Variants in CTIF observed in about 807,000 individuals in gnomAD.
The protein encoded by CTIF is CBP80/20-dependent translation initiation factor.
A neutral mutation model predicts 66.0 loss-of-function variants in CTIF; 21 were observed. The ratio of observed to expected loss-of-function variants is 0.32; its 90% CI spans 0.23 to 0.46. The LOEUF (loss-of-function observed/expected upper bound fraction) is 0.46. Among genes scored for constraint, CTIF ranks in the 20% least tolerant of loss-of-function variants. The pLI is 1.00. For synonymous variants in CTIF, 345 were observed against 326.4 expected (o/e 1.06, Z -0.62); for missense variants, 739 against 812.7 (o/e 0.91, Z 1.10).
At chr18:48,652,710 A>G (rs917044189) in intron 3 of CTIF, among the ~76,000 whole-genome samples, 1 of 152,248 alleles carries the variant, frequency 6.6e-6, no homozygotes, top group East Asian at 1.9e-4. Flanking sequence ...CCTGATGAAC[A>G]TCGATGTGAA....
In CTIF at chr18:48,761,779, C is replaced by T. The variant is rs1909026879; in HGVS notation, c.1371+90C>T. 1.5e-6 allele frequency: 2 copies of T among 1,294,526 alleles called. No individual in the cohort carries two copies. 80.2% of individuals were successfully genotyped at this position (1,294,526 alleles called of 1,614,324 possible). A position where few individuals can be genotyped will look rare whatever the true frequency, so the allele number is the denominator to read the frequency against. On this transcript the variant is annotated intron_variant, in intron 9 of 11. Coordinates refer to ENST00000256413, the MANE Select transcript of CTIF (RefSeq NM_014772.3). This position sits in a 1 kb window ranked among gnomAD's most constrained non-coding sequence, Gnocchi z 4.2. ...TAGCGAGAAGGCTGCGAGTTCTGGC[C>T]ACAGTTGGACTTTTCCCAAGTTCCG...
chr18:48,851,409 C>T (rs763661054), intron 10 of CTIF, among the ~76,000 whole-genome samples: 5 of 152,182 alleles, frequency 3.3e-5, no homozygotes, highest in Middle Eastern at 3.2e-3. Flanking sequence ...CAGGGCAAAG[C>T]GCTCACTGTC....
chr18:48,621,912 C>T (rs1045395174), intron 2 of CTIF, among the ~76,000 whole-genome samples: 1 of 152,190 alleles, frequency 6.6e-6, no homozygotes, highest in African/African-American at 2.4e-5. Flanking sequence ...CCTGGCCTAT[C>T]CCCAGCCCCC....
At chr18:48,840,631 C>T (rs912368883) in intron 10 of CTIF, among the ~76,000 whole-genome samples, 1 of 152,216 alleles carries the variant, frequency 6.6e-6, no homozygotes, top group African/African-American at 2.4e-5. Flanking sequence ...TCAGCCCAGG[C>T]CTGTCTGCTC....
chr18:48,769,362 C>T (rs866299368), intron 9 of CTIF, among the ~76,000 whole-genome samples: 4 of 152,244 alleles, frequency 2.6e-5, no homozygotes, highest in South Asian at 2.1e-4. Context: ...CAGTGCAAGC[C>T]GCTTTCCCCG....
intron 3 of CTIF, 69 bp downstream of exon 3, chr18:48,636,754 C>T (rs757649107): frequency 3.6e-5 from 44 of 1,233,280 alleles, no homozygotes; most frequent in Non-Finnish European, 4.7e-5. Flanking sequence ...CCTGGGCCGG[C>T]CCACAGTGGC....
chr18:48,696,308 C>A (rs561543781), intron 6 of CTIF, among the ~76,000 whole-genome samples: 1 of 152,180 alleles, frequency 6.6e-6, no homozygotes, highest in Non-Finnish European at 1.5e-5. Flanking sequence ...TCTAGGGCAG[C>A]GAGCCTGTGT....
chr18:48,725,531 C>T (rs747973607), intron 7 of CTIF, among the ~76,000 whole-genome samples: 6 of 152,142 alleles, frequency 3.9e-5, no homozygotes, highest in Non-Finnish European at 8.8e-5. Context: ...CTTCCCACCA[C>T]CCCCTTAGGG....
chr18:48,628,597 T>C (rs299707), intron 2 of CTIF, among the ~76,000 whole-genome samples: 60,526 of 151,922 alleles, frequency 0.4, 14,098 homozygotes, highest in African/African-American at 0.65. Flanking sequence ...CATCCACTTA[T>C]CCTCTCTGCT....
chr18:48,632,856 T>A (rs2090745060), intron 2 of CTIF, among the ~76,000 whole-genome samples: 1 of 152,076 alleles, frequency 6.6e-6, no homozygotes, highest in African/African-American at 2.4e-5. Flanking sequence ...GGGACACTCT[T>A]TGTTGAGGGC....
chr18:48,541,218 G>A (rs890888325), intron 1 of CTIF, among the ~76,000 whole-genome samples: 39 of 152,200 alleles, frequency 2.6e-4, no homozygotes, highest in African/African-American at 8.4e-4. Flanking sequence ...AGCCCAGCGC[G>A]CCCCAGCCCG....
At chr18:48,689,640 C>T (rs560363058) in intron 6 of CTIF, among the ~76,000 whole-genome samples, 1 of 152,310 alleles carries the variant, frequency 6.6e-6, no homozygotes, top group South Asian at 2.1e-4. Flanking sequence ...ATAACACAGC[C>T]CCTTTCAGTC....
intron 3 of CTIF, among the ~76,000 whole-genome samples, chr18:48,638,378 T>C (rs942643041): frequency 7.9e-5 from 12 of 152,144 alleles, no homozygotes; most frequent in Non-Finnish European, 1.6e-4. Context: ...TCCTTTTTCC[T>C]CTCCTCTTTA....
At chr18:48,640,040 C>T (rs2090898949) in intron 3 of CTIF, among the ~76,000 whole-genome samples, 2 of 152,212 alleles carry the variant, frequency 1.3e-5, no homozygotes, top group African/African-American at 2.4e-5. Context: ...TGCAGGGGCT[C>T]TCTGATGGAG....
chr18:48,762,821 C>A (rs1176139783), intron 9 of CTIF, among the ~76,000 whole-genome samples: 1 of 152,236 alleles, frequency 6.6e-6, no homozygotes, highest in African/African-American at 2.4e-5. Flanking sequence ...GCCGTCTTCC[C>A]TAAAAGCTGG....
At chr18:48,741,287 CTCCTT>C (rs2092551770) in intron 7 of CTIF, among the ~76,000 whole-genome samples, 1 of 139,070 alleles carries the variant, frequency 7.2e-6, no homozygotes, top group African/African-American at 2.8e-5. Context: ...CCCGCCCCCC[CTCCTT>C]GGTACATGTT....
intron 3 of CTIF, among the ~76,000 whole-genome samples, chr18:48,642,135 C>T (rs946058289): frequency 2.6e-5 from 4 of 152,272 alleles, no homozygotes; most frequent in East Asian, 1.9e-4. Flanking sequence ...CTGTTTAGTT[C>T]GTATTTATTG....
intron 1 of CTIF, among the ~76,000 whole-genome samples, chr18:48,559,998 A>T (rs1856695607): frequency 6.6e-6 from 1 of 152,190 alleles, no homozygotes; most frequent in African/African-American, 2.4e-5. Context: ...AGTGGAGTTT[A>T]TCCCAAGAAT....
At chr18:48,702,817 A>G (rs2092101345) in intron 6 of CTIF, among the ~76,000 whole-genome samples, 1 of 152,156 alleles carries the variant, frequency 6.6e-6, no homozygotes, top group Admixed American at 6.5e-5. Context: ...TAGAGATTCC[A>G]GGAATTTTAG....
Sources: allele counts gnomAD v4.1 joint callset (sites outside exome capture counted in the v4.1 genomes callset), GRCh38; gene constraint gnomAD v4.1.1; non-coding constraint Gnocchi (gnomAD v3.1); transcripts MANE v1.5; gene names NCBI Gene and HGNC (gene_info 2026-07-23, HGNC 2026-07-21).